EFCAB3: variants seen among roughly 807,000 people sequenced by gnomAD.
EFCAB3 encodes the protein EF-hand calcium binding domain 3.
Under a neutral mutation model 42.2 loss-of-function variants are expected in EFCAB3, and 36 were observed. That is an observed-to-expected ratio of 0.85 (90% CI 0.65 to 1.13). The LOEUF is 1.13. EFCAB3 is among the 50% of genes most tolerant of loss of function. The pLI is 0.00. For missense variants in EFCAB3, 418 were observed against 505.1 expected (o/e 0.83, Z 1.65); for synonymous variants, 170 against 172.8 (o/e 0.98, Z 0.13).
At chr17:62,378,981 T>C (rs2070173547), upstream of EFCAB3, among the ~76,000 whole-genome samples, 1 of 152,090 alleles carries the variant, frequency 6.6e-6, no homozygotes, top group Non-Finnish European at 1.5e-5. Flanking sequence ...ATTAGTTATC[T>C]TTCAGCTTTA....
In EFCAB3 at chr17:62,416,202, A is replaced by G; in HGVS notation, c.1190A>G (p.Tyr397Cys). Residue 397 changes from tyrosine to cysteine, a missense_variant, in exon 10 of 10, where the codon TAT becomes TGT. By Grantham distance (194) the Tyr-to-Cys change is radical. Transcript: ENST00000305286. Reference protein sequence around the residue: ...ELLSPKDLRLYDAYVNRNSSH... With the variant: ...ELLSPKDLRLCDAYVNRNSSH... Reference sequence around the variant, plus strand: ...CTTTCTCCTAAGGACTTAAGGTTATATGATGCCTATGTGAATAGAAATTCC... The same window carrying G: ...CTTTCTCCTAAGGACTTAAGGTTATGTGATGCCTATGTGAATAGAAATTCC... The G allele has an allele frequency of 1.2e-6, 2 of 1,613,930 alleles. No homozygotes were observed. Among genetic ancestry groups the G allele is most frequent in the Middle Eastern group, 1.7e-4 (1 of 6,056 alleles).
intron 1 of EFCAB3, among the ~76,000 whole-genome samples, chr17:62,371,121 A>G (rs1476965924): frequency 6.6e-6 from 1 of 151,228 alleles, no homozygotes; most frequent in Non-Finnish European, 1.5e-5. Flanking sequence ...AAAAGAGCAG[A>G]TTTTGGTTCA....
chr17:62,392,561 T>G (rs2070312811), intron 4 of EFCAB3, among the ~76,000 whole-genome samples: 1 of 152,170 alleles, frequency 6.6e-6, no homozygotes, highest in Non-Finnish European at 1.5e-5. Context: ...CAAATCTTTC[T>G]TTTTCCATCA....
At chr17:62,385,901 T>TA (rs1555571475) in intron 2 of EFCAB3, among the ~76,000 whole-genome samples, 4 of 150,354 alleles carry the variant, frequency 2.7e-5, no homozygotes, top group South Asian at 4.2e-4. Flanking sequence ...TTTTTTTTTT[T>TA]AATTTTTAGT....
intron 8 of EFCAB3, among the ~76,000 whole-genome samples, chr17:62,410,251 G>C (rs2070483385): frequency 6.6e-6 from 1 of 152,136 alleles, no homozygotes; most frequent in Non-Finnish European, 1.5e-5. Flanking sequence ...GCTGGGCACA[G>C]TGCCTCATGC....
intron 8 of EFCAB3, among the ~76,000 whole-genome samples, chr17:62,409,562 T>A (rs2070476828): frequency 6.6e-6 from 1 of 151,932 alleles, no homozygotes; most frequent in South Asian, 2.1e-4. Context: ...AATTTTTTAA[T>A]TAAAAATAAA....
intron 8 of EFCAB3, among the ~76,000 whole-genome samples, chr17:62,412,440 A>AT (rs1315460497): frequency 3.3e-5 from 5 of 149,416 alleles, no homozygotes; most frequent in South Asian, 4.2e-4. Flanking sequence ...CTTTAATGTG[A>AT]TTTTTTCAAA....
At chr17:62,374,483 G>A (rs960863260) in intron 2 of EFCAB3, among the ~76,000 whole-genome samples, 3 of 151,946 alleles carry the variant, frequency 2.0e-5, no homozygotes, top group African/African-American at 7.3e-5. Context: ...AATAAATATA[G>A]CTAATAATCT....
At position 62,393,623 on chromosome 17, in the gene EFCAB3, A is replaced by C; in HGVS notation, c.346A>C (p.Asn116His). ...CTTTATCAAGGTTCTAACAGATAAG[A>C]ATCTCTTCCTCAAGGCAGTGGGTGA... ...SDFIKVLTDK[N>H]LFLKAVVPEK... The change falls in exon 5 of 10, where the codon AAT (asparagine) becomes CAT (histidine). Residue 116 changes from asparagine to histidine, a missense_variant. Physicochemically the swap from Asn to His is moderately conservative, Grantham distance 68. Transcript: ENST00000305286. 1 of 1,614,114 alleles carries C rather than the reference A, an allele frequency of 6.2e-7. No individual in the cohort carries two copies. The highest frequency in any genetic ancestry group is 8.5e-7 in the Non-Finnish European group (1 of 1,180,002).
At chr17:62,411,763 G>T (rs539051554) in intron 8 of EFCAB3, among the ~76,000 whole-genome samples, 1 of 139,842 alleles carries the variant, frequency 7.2e-6, no homozygotes, top group South Asian at 2.6e-4. Context: ...GCAACACTCT[G>T]TCTCTAAAGA....
At chr17:62,371,383 C>T (rs971330555) in intron 1 of EFCAB3, among the ~76,000 whole-genome samples, 6 of 150,426 alleles carry the variant, frequency 4.0e-5, no homozygotes, top group Non-Finnish European at 7.4e-5. Context: ...GGTGAAACCC[C>T]GTCTCTACTA....
chr17:62,379,556 C>T (rs1265342197), upstream of EFCAB3, among the ~76,000 whole-genome samples: 32 of 151,904 alleles, frequency 2.1e-4, no homozygotes, highest in Admixed American at 2.0e-3. Context: ...GGCAGTGTAC[C>T]AAGCTTAAAA....
At chr17:62,371,205 C>G (rs2070112234) in intron 1 of EFCAB3, among the ~76,000 whole-genome samples, 1 of 151,970 alleles carries the variant, frequency 6.6e-6, no homozygotes, top group South Asian at 2.1e-4. Context: ...GGTGCATGAG[C>G]CACCTTTTGC....
chr17:62,404,596 AG>A (rs1260952931), intron 6 of EFCAB3, among the ~76,000 whole-genome samples: 5 of 152,158 alleles, frequency 3.3e-5, no homozygotes, highest in Non-Finnish European at 5.9e-5. Flanking sequence ...TGGGAGTTCA[AG>A]ACCAGCCTGA....
upstream of EFCAB3, among the ~76,000 whole-genome samples, chr17:62,377,032 A>G (rs569638061): frequency 3.1e-4 from 47 of 152,306 alleles, no homozygotes; most frequent in South Asian, 9.7e-3. Flanking sequence ...AAGGGAGAAG[A>G]GCCAAGCAAT....
intron 8 of EFCAB3, among the ~76,000 whole-genome samples, chr17:62,410,748 G>A (rs1216388021): frequency 1.3e-5 from 2 of 152,126 alleles, no homozygotes; most frequent in Non-Finnish European, 2.9e-5. Flanking sequence ...AAGTTAACAA[G>A]TGGCAATAGA....
At chr17:62,372,255 C>A (rs989310405) in intron 1 of EFCAB3, among the ~76,000 whole-genome samples, 1 of 152,092 alleles carries the variant, frequency 6.6e-6, no homozygotes, top group African/African-American at 2.4e-5. Context: ...TTCCTCTTCT[C>A]TCTTCAGTTG....
upstream of EFCAB3, among the ~76,000 whole-genome samples, chr17:62,375,765 A>G (rs1168808157): frequency 1.3e-5 from 2 of 152,238 alleles, no homozygotes; most frequent in African/African-American, 4.8e-5. Context: ...TTAACCATTT[A>G]TAAAGCCAGG....
chr17:62,378,916 A>G (rs536764868), upstream of EFCAB3, among the ~76,000 whole-genome samples: 3 of 150,464 alleles, frequency 2.0e-5, no homozygotes, highest in South Asian at 6.2e-4. Context: ...CAGAACTTAA[A>G]GTATAACAAA....
Sources: gnomAD v4.1 joint callset for allele counts (sites outside exome capture counted in the v4.1 genomes callset) on GRCh38, gnomAD v4.1.1 for gene constraint, MANE v1.5 for transcripts, NCBI Gene and HGNC (gene_info 2026-07-23, HGNC 2026-07-21) for gene names.